The following WDR62 variants were observed in gnomAD, a reference collection of about 807,000 sequenced individuals.
WDR62 encodes the protein WD repeat domain 62, also known as WD repeat-containing protein 62.
In WDR62, 112 loss-of-function variants were observed where a neutral mutation model predicts 160.6. That is an observed-to-expected ratio of 0.70 (90% CI 0.60 to 0.82). The LOEUF is 0.82. Among genes scored for constraint, WDR62 ranks in the 40% least tolerant of loss-of-function variants. The pLI, the probability that WDR62 is intolerant of heterozygous loss-of-function variation, is 0.00. For missense variants in WDR62, 1,819 were observed against 1,983.8 expected, an observed-to-expected ratio of 0.92 and a Z score of 1.58; for synonymous variants, 792 against 815.1, an observed-to-expected ratio of 0.97 and a Z score of 0.48.
chr19:36,101,910 G>T, intron 25 of WDR62, 104 bp from the exon 26 acceptor site: 1 of 1,576,382 alleles, frequency 6.3e-7, no homozygotes, highest in Non-Finnish European at 8.7e-7. Flanking sequence ...CAGCCTGCGG[G>T]CAACAGGGCA....
rs537490974 is a variant in WDR62 at position 36,064,795 on chromosome 19, C to T, written c.333-1163C>T. ...GTTTTGTCGTGTTGGCCAGGCTGTT[C>T]GCGAATTCCTGACCTCAAGTGAACC... On this transcript the variant is annotated intron_variant, in intron 3 of 31. Coordinates refer to ENST00000401500, the MANE Select transcript of WDR62 (RefSeq NM_001083961.2). Among the ~76,000 whole-genome samples the T allele has an allele frequency of 2.6e-5, 4 of 151,136 alleles. No homozygotes were observed. In the South Asian group the frequency reaches 8.4e-4, roughly 32 times the overall value.
rs767694830 is a variant in WDR62, at chr19:36,067,811, G to A, written c.700-17G>A. The A allele has an allele frequency of 5.6e-6, 9 of 1,613,330 alleles. No homozygotes were observed. The highest frequency in any genetic ancestry group is 1.3e-5 in the African/African-American group (1 of 75,010). ...GCTGTGTGGACAAGTATCTCACTAC[G>A]CCCTCTGTGTCTCCAGGTGACGAGC... On this transcript the variant is annotated splice_polypyrimidine_tract_variant and intron_variant, in intron 6 of 31. Coordinates refer to ENST00000401500, the MANE Select transcript of WDR62 (RefSeq NM_001083961.2).
At chr19:36,101,535 AAATGGG>A in intron 24 of WDR62, 123 bp from the exon 25 acceptor site, 1 of 826,658 alleles carries the variant, frequency 1.2e-6, no homozygotes. Context: ...CTTATTCATA[AAATGGG>A]GGGCAGCTGC....
chr19:36,099,221 C>CAAA (rs71167592), intron 21 of WDR62, among the ~76,000 whole-genome samples, 178 bp from the exon 22 acceptor site: 64 of 76,256 alleles, frequency 8.4e-4, no homozygotes, highest in East Asian at 1.6e-3. Context: ...GACTTCGTCT[C>CAAA]AAAAAAAAAA....
intron 1 of WDR62, among the ~76,000 whole-genome samples, chr19:36,056,063 G>T (rs1970348739): frequency 6.6e-6 from 1 of 152,164 alleles, no homozygotes; most frequent in Admixed American, 6.5e-5. Flanking sequence ...TACTCAGGAG[G>T]CTGAGGCGGG....
intron 12 of WDR62, 107 bp downstream of exon 12, chr19:36,084,851 G>A (rs1350093245): frequency 1.8e-6 from 2 of 1,096,472 alleles, no homozygotes; most frequent in Non-Finnish European, 2.7e-6. Context: ...GATGACAGCT[G>A]GGAGTTTTGT....
At chr19:36,076,350 G>A (rs919839944) in intron 9 of WDR62, among the ~76,000 whole-genome samples, 5 of 151,904 alleles carry the variant, frequency 3.3e-5, no homozygotes, top group Admixed American at 2.0e-4. Context: ...CCGAGCCCAC[G>A]AGTTTGAGAC....
chr19:36,066,320 C>G lies in WDR62; in HGVS notation c.454C>G (p.Leu152Val), dbSNP rs1468620913. Residue 152 changes from leucine to valine, a missense_variant, in exon 5 of 32, where the codon CTA (leucine) becomes GTA (valine). Transcript: ENST00000401500. ...VEEKNQVAEM[L>V]GHKYGVACVA... ...GGAGAAGAATCAGGTGGCGGAGATG[C>G]TAGGCCACAAGTATGGTGTGGCGTG... is the stretch of plus-strand genomic sequence containing the variant. 6.2e-7 allele frequency: 1 copy of G among 1,614,098 alleles called. No individual in the cohort carries two copies.
chr19:36,105,057 TG>T lies in WDR62; in HGVS notation c.*30del. On this transcript the variant is annotated 3_prime_UTR_variant, in exon 32 of 32. Coordinates refer to ENST00000401500, the MANE Select transcript of WDR62 (RefSeq NM_001083961.2). ...CGCAGCCCCTCCACCGCAGCCCTGCTGCTTCTGAGGACTTAGGTATTTTAAG... is the reference window on the plus strand; with the variant it reads ...CGCAGCCCCTCCACCGCAGCCCTGCTCTTCTGAGGACTTAGGTATTTTAAG... 6.3e-7 allele frequency: 1 copy of T among 1,586,916 alleles called. No individual in the cohort carries two copies. Among genetic ancestry groups the T allele is most frequent in the Non-Finnish European group, 8.5e-7 (1 of 1,173,438 alleles).
In WDR62 at chr19:36,062,665, A is replaced by AAAAC. The variant is rs1970714560; in HGVS notation, c.332+2638_332+2639insCAAA. On this transcript the variant is annotated intron_variant, in intron 3 of 31. Coordinates refer to ENST00000401500, the MANE Select transcript of WDR62 (RefSeq NM_001083961.2). The stretch of plus-strand genomic sequence containing the variant: ...AGTCCGTCTCAAAAAAAAAAAAAAA[A>AAAAC]AAAAAAAAAACTTAATCAAATAAAT... The AAAAC allele has an allele frequency of 1.4e-5, 2 of 141,690 alleles. 1 individual carries two copies. Among genetic ancestry groups the AAAAC allele is most frequent in the African/African-American group, 5.2e-5 (2 of 38,328 alleles). The allele number at this position is 141,690 out of a possible 1,614,324, so 8.8% of individuals were successfully genotyped here. A position where few individuals can be genotyped will look rare whatever the true frequency, so the allele number is the denominator to read the frequency against.
chr19:36,074,765 CTT>C (rs1971488092), intron 9 of WDR62, among the ~76,000 whole-genome samples: 1 of 152,108 alleles, frequency 6.6e-6, no homozygotes, highest in East Asian at 1.9e-4. Context: ...TTTTTAATAA[CTT>C]TTAAAATTCC....
At chr19:36,091,360 C>G (rs71354117) in intron 17 of WDR62, 42 bp from the exon 18 acceptor site, 1 of 1,602,278 alleles carries the variant, frequency 6.2e-7, no homozygotes, top group Admixed American at 1.7e-5. Flanking sequence ...CCCACACCCT[C>G]TGACTCCGAA....
Position 36,095,035 on chromosome 19 carries a change from A to G in WDR62, c.2467+871A>G, listed in dbSNP as rs191833171. On this transcript the variant is annotated intron_variant, in intron 20 of 31. Coordinates refer to ENST00000401500, the MANE Select transcript of WDR62 (RefSeq NM_001083961.2). ...AATAGAGTGAGATCCTGTCTGTAGA[A>G]AAAGAAAGAAACTCAATAATCATAT... Among the ~76,000 whole-genome samples the G allele has an allele frequency of 3.9e-5, 6 of 152,322 alleles. No individual in the cohort carries two copies. In the East Asian group the frequency reaches 9.6e-4, roughly 24 times the overall value.
rs113594323 is a variant in WDR62, at chr19:36,095,192, A to AT, written c.2467+1037dup. On this transcript the variant is annotated intron_variant, in intron 20 of 31. Coordinates refer to ENST00000401500, the MANE Select transcript of WDR62 (RefSeq NM_001083961.2). ...ATAGACAGATGATGTTAAAAGGAAG[A>AT]TTTTTTTTTGTATCTTTTGGCTCTG... 3.1e-3 allele frequency among the ~76,000 whole-genome samples: 467 copies of AT among 151,850 alleles called. 3 individuals carry two copies. Among genetic ancestry groups the AT allele is most frequent in the African/African-American group, 0.01 (422 of 41,412 alleles).
At chr19:36,086,544 G>A in intron 12 of WDR62, 143 bp from the exon 13 acceptor site, 1 of 1,059,466 alleles carries the variant, frequency 9.4e-7, no homozygotes, top group Admixed American at 2.0e-5. Flanking sequence ...AGTGGCCCTT[G>A]CCAGGCTTGG....
intron 12 of WDR62, 111 bp downstream of exon 12, chr19:36,084,855 G>A: frequency 9.4e-7 from 1 of 1,058,734 alleles, no homozygotes; most frequent in South Asian, 1.3e-5. Flanking sequence ...ACAGCTGGGA[G>A]TTTTGTGTTC....
chr19:36,070,927 G>C (rs892319012), intron 7 of WDR62: 1 of 153,908 alleles, frequency 6.5e-6, no homozygotes, highest in Admixed American at 6.4e-5. Context: ...AAGCCTAAAG[G>C]CTGGGCGCGA....
intron 30 of WDR62, 65 bp downstream of exon 30, chr19:36,104,046 C>T: frequency 1.3e-6 from 2 of 1,583,952 alleles, no homozygotes; most frequent in South Asian, 1.1e-5. Flanking sequence ...TGGCTCAGCT[C>T]CAAAGATGGA....
Position 36,090,439 on chromosome 19 carries a change from C to G in WDR62, c.1959-6C>G, listed in dbSNP as rs1972522671. 2.5e-6 allele frequency: 4 copies of G among 1,613,998 alleles called. No homozygotes were observed. The East Asian group carries it at 6.7e-5, about 27-fold the overall frequency. ...TGTTGGCCGCAACATGCCCCTACTT[C>G]CCCAGAGTCTACAACACTGTGAACG... On this transcript the variant is annotated splice_region_variant and splice_polypyrimidine_tract_variant and intron_variant, in intron 15 of 31. Transcript: ENST00000401500.
Sources: gnomAD v4.1 joint callset for allele counts (sites outside exome capture counted in the v4.1 genomes callset) on GRCh38, gnomAD v4.1.1 for gene constraint, MANE v1.5 for transcripts, NCBI Gene and HGNC (gene_info 2026-07-23, HGNC 2026-07-21) for gene names.